Variants in PRDX1 observed in about 807,000 individuals in gnomAD.
The protein encoded by PRDX1 is peroxiredoxin-1.
In PRDX1, 19 loss-of-function variants were observed where a neutral mutation model predicts 20.7. The observed-to-expected ratio is 0.92, with a 90% CI of 0.64 to 1.35. PRDX1 has a LOEUF of 1.35. PRDX1 is among the 40% of genes most tolerant of loss of function. PRDX1 has a pLI of 0.00. For missense variants in PRDX1, 226 were observed against 240.0 expected (o/e 0.94, Z 0.38); for synonymous variants, 89 against 83.9 (o/e 1.06, Z -0.33).
chr1:45,515,538 G>C (rs1445176738), intron 3 of PRDX1, 116 bp downstream of exon 3: 6 of 1,072,218 alleles, frequency 5.6e-6, no homozygotes, highest in African/African-American at 3.6e-5. Flanking sequence ...GGCAGAGCTT[G>C]AAGTGAGCGG....
chr1:45,515,198 G>A (rs1462560574), intron 3 of PRDX1, among the ~76,000 whole-genome samples: 1 of 152,106 alleles, frequency 6.6e-6, no homozygotes, highest in Non-Finnish European at 1.5e-5. Context: ...CTTCTTCTCT[G>A]CTGCCAGGTC....
rs537085369 is a variant in PRDX1 at position 45,514,177 on chromosome 1, C to A, written c.514+330G>T. Reference sequence around the variant, plus strand: ...CACATCTAAAGCACAGCACTTAATTCTTTACCTTGTTCATGATGCAGAGAC... The same window carrying A: ...CACATCTAAAGCACAGCACTTAATTATTTACCTTGTTCATGATGCAGAGAC... On this transcript the variant is annotated intron_variant, in intron 5 of 5. Transcript: ENST00000319248. Among the ~76,000 whole-genome samples, 4 of 152,280 alleles carry A rather than the reference C, an allele frequency of 2.6e-5. No homozygotes were observed. In the East Asian group the frequency reaches 7.7e-4, roughly 29 times the overall value.
At chr1:45,514,381 A>C in intron 5 of PRDX1, 126 bp downstream of exon 5, 1 of 1,224,618 alleles carries the variant, frequency 8.2e-7, no homozygotes, top group Non-Finnish European at 1.2e-6. Context: ...CTTTCTCTAT[A>C]CTTTGTCTAC....
chr1:45,516,831 G>T (rs1047899480), intron 2 of PRDX1, among the ~76,000 whole-genome samples: 1 of 151,996 alleles, frequency 6.6e-6, no homozygotes. Context: ...AGACCAGGCT[G>T]ACCAACATGG....
intron 5 of PRDX1, chr1:45,512,435 G>A (rs1643771602): frequency 6.6e-6 from 1 of 150,862 alleles, no homozygotes; most frequent in Non-Finnish European, 1.5e-5. Context: ...TCAGGAGGCT[G>A]AGGCAAGAGA....
chr1:45,511,840 AC>A (rs1015725709), intron 5 of PRDX1: 3 of 153,410 alleles, frequency 2.0e-5, no homozygotes, highest in African/African-American at 7.2e-5. Context: ...TTCTAACTCT[AC>A]CAAACTGGAT....
intron 2 of PRDX1, among the ~76,000 whole-genome samples, chr1:45,518,508 G>A (rs1643880774): frequency 6.7e-6 from 1 of 148,986 alleles, no homozygotes; most frequent in Admixed American, 6.8e-5. Flanking sequence ...AATTAGCCAG[G>A]CATGGCAGCA....
chr1:45,513,733 G>C (rs989465541), intron 5 of PRDX1, among the ~76,000 whole-genome samples: 1 of 152,200 alleles, frequency 6.6e-6, no homozygotes, highest in Non-Finnish European at 1.5e-5. Context: ...ACAAATGCTT[G>C]AAGGCAGCAT....
At chr1:45,512,766 C>G (rs1032132337) in intron 5 of PRDX1, 13 of 152,198 alleles carry the variant, frequency 8.5e-5, no homozygotes, top group Non-Finnish European at 1.5e-4. Context: ...AACCTCATCT[C>G]CCACAAGGGG....
At chr1:45,516,810 T>C (rs1643865655) in intron 2 of PRDX1, among the ~76,000 whole-genome samples, 1 of 151,724 alleles carries the variant, frequency 6.6e-6, no homozygotes. Context: ...TCACCTGAGG[T>C]CAGGAGTTCA....
chr1:45,518,237 C>T (rs1410582662), intron 2 of PRDX1, among the ~76,000 whole-genome samples: 2 of 151,296 alleles, frequency 1.3e-5, no homozygotes, highest in South Asian at 2.1e-4. Context: ...CCGAGGTGGG[C>T]GGATCATCTG....
At chr1:45,518,436 T>C (rs4660866) in intron 2 of PRDX1, among the ~76,000 whole-genome samples, 103,506 of 140,680 alleles carry the variant, frequency 0.74, 38,320 homozygotes, top group East Asian at 0.94. Context: ...CATTGCACTC[T>C]AGCCTGGGCA....
chr1:45,518,681 G>A (rs10736426), intron 2 of PRDX1, among the ~76,000 whole-genome samples: 101,662 of 151,902 alleles, frequency 0.67, 34,384 homozygotes, highest in East Asian at 0.91. Flanking sequence ...AAATAGACGA[G>A]GAATACTGAA....
intron 2 of PRDX1, among the ~76,000 whole-genome samples, chr1:45,516,086 G>T (rs1022757141): frequency 6.6e-6 from 1 of 152,170 alleles, no homozygotes; most frequent in Non-Finnish European, 1.5e-5. Context: ...TTTTCTGAGT[G>T]GCTAAAATTA....
At chr1:45,519,579 C>T (rs945679144) in intron 1 of PRDX1, among the ~76,000 whole-genome samples, 14 of 152,092 alleles carry the variant, frequency 9.2e-5, no homozygotes, top group African/African-American at 3.1e-4. Context: ...ACTAATTCAA[C>T]TTGTTTTATT....
At chr1:45,511,529 TGCA>T in intron 5 of PRDX1, 115 bp from the exon 6 acceptor site, 1 of 750,236 alleles carries the variant, frequency 1.3e-6, no homozygotes, top group Middle Eastern at 2.4e-4. Context: ...AACCTACCCC[TGCA>T]ATCAGTCTTA....
At chr1:45,522,536 ACACATTAGC>A (rs1473578917), upstream of PRDX1, among the ~76,000 whole-genome samples, 3 of 152,166 alleles carry the variant, frequency 2.0e-5, no homozygotes, top group Non-Finnish European at 4.4e-5. Context: ...TCAAAACATT[ACACATTAGC>A]CAGACCCACA....
In PRDX1 at chr1:45,519,067, G is replaced by A. The variant is rs188893790; in HGVS notation, c.-11-13C>T. The stretch of plus-strand genomic sequence containing the variant: ...ATCTTCCTATCAGCTAGAAATAACA[G>A]AAATGAATTAGAAACAAGCCTTAAT... On this transcript the variant is annotated splice_polypyrimidine_tract_variant and intron_variant, in intron 1 of 5. Coordinates refer to ENST00000319248, the MANE Select transcript of PRDX1 (RefSeq NM_181697.3). 8.0e-5 allele frequency: 121 copies of A among 1,519,712 alleles called. 3 individuals are homozygous for A. The African/African-American group carries it at 1.4e-3, about 18-fold the overall frequency. The allele number at this position is 1,519,712 out of a possible 1,614,324, so 94.1% of individuals were successfully genotyped here.
chr1:45,514,108 G>A (rs1226854177), intron 5 of PRDX1, among the ~76,000 whole-genome samples: 1 of 152,150 alleles, frequency 6.6e-6, no homozygotes, highest in Admixed American at 6.5e-5. Flanking sequence ...GGACATGCGG[G>A]CAGCAATACT....
Sources: gnomAD v4.1 joint callset for allele counts (sites outside exome capture counted in the v4.1 genomes callset) on GRCh38, gnomAD v4.1.1 for gene constraint, MANE v1.5 for transcripts, NCBI Gene and HGNC (gene_info 2026-07-23, HGNC 2026-07-21) for gene names.